Variants in RBFOX1 observed in about 807,000 individuals in gnomAD.
The protein encoded by RBFOX1 is RNA binding protein fox-1 homolog 1.
In RBFOX1, 8 loss-of-function variants were observed where a neutral mutation model predicts 57.7. That is an observed-to-expected ratio of 0.14 (90% CI 0.08 to 0.25). The LOEUF (loss-of-function observed/expected upper bound fraction) is 0.25. Ranked by LOEUF, RBFOX1 falls within the 10% of genes least tolerant of loss-of-function variation. The pLI is 1.00. For missense variants in RBFOX1, 611 were observed against 548.5 expected (o/e 1.11, Z -1.14); for synonymous variants, 326 against 222.4 (o/e 1.47, Z -4.15).
chr16:6,877,407 A>G (rs1038789291), intron 3 of RBFOX1, among the ~76,000 whole-genome samples: 3 of 152,152 alleles, frequency 2.0e-5, no homozygotes, highest in Non-Finnish European at 4.4e-5. Context: ...TCCAATATGG[A>G]CTGCATTATT....
At chr16:6,069,950 G>A (rs1409159244) in intron 1 of RBFOX1, among the ~76,000 whole-genome samples, 1 of 152,154 alleles carries the variant, frequency 6.6e-6, no homozygotes, top group African/African-American at 2.4e-5. Context: ...TCCAACCGCT[G>A]CACTCCAGCC....
chr16:5,765,338 T>A (rs958163297), intron 3 of RBFOX1, among the ~76,000 whole-genome samples: 1 of 152,146 alleles, frequency 6.6e-6, no homozygotes, highest in Non-Finnish European at 1.5e-5. Flanking sequence ...ACCAATTGTT[T>A]CCCAAGGGAA....
At chr16:5,830,389 T>G (rs2056222395) in intron 3 of RBFOX1, among the ~76,000 whole-genome samples, 1 of 152,128 alleles carries the variant, frequency 6.6e-6, no homozygotes, top group Admixed American at 6.6e-5. Context: ...GTTTTTTTTT[T>G]TTGTTCTTTC....
chr16:6,912,124 C>A (rs1355405023), intron 3 of RBFOX1, among the ~76,000 whole-genome samples: 1 of 152,116 alleles, frequency 6.6e-6, no homozygotes, highest in Non-Finnish European at 1.5e-5. Flanking sequence ...ACTAGTATTT[C>A]AGAACTTTAC....
At chr16:6,994,036 C>T (rs1374642036) in intron 3 of RBFOX1, among the ~76,000 whole-genome samples, 2 of 152,150 alleles carry the variant, frequency 1.3e-5, no homozygotes, top group African/African-American at 4.8e-5. Flanking sequence ...CCTCAATCCA[C>T]CTCCCCCTCT....
At chr16:7,153,391 C>A (rs1027453279) in intron 4 of RBFOX1, among the ~76,000 whole-genome samples, 17 of 152,130 alleles carry the variant, frequency 1.1e-4, no homozygotes, top group African/African-American at 4.1e-4. Context: ...CTTCCTGTCC[C>A]ACCTTCCAGG....
intron 4 of RBFOX1, among the ~76,000 whole-genome samples, chr16:7,211,782 C>T (rs1005553205): frequency 2.0e-5 from 3 of 152,164 alleles, no homozygotes; most frequent in Non-Finnish European, 4.4e-5. Flanking sequence ...AGCCCCCTGT[C>T]TCTAGGTTGC....
At chr16:6,894,722 A>G (rs959166776) in intron 3 of RBFOX1, among the ~76,000 whole-genome samples, 2 of 152,186 alleles carry the variant, frequency 1.3e-5, no homozygotes, top group African/African-American at 4.8e-5. Flanking sequence ...AATTTTGTAA[A>G]AAGGTTACCA....
chr16:6,261,373 A>T (rs1041389268), intron 1 of RBFOX1, among the ~76,000 whole-genome samples: 2 of 152,160 alleles, frequency 1.3e-5, no homozygotes, highest in African/African-American at 2.4e-5. Flanking sequence ...CCTAGTACCA[A>T]AATAGTACGT....
chr16:7,085,228 T>C (rs56033876), intron 4 of RBFOX1, among the ~76,000 whole-genome samples: 25,287 of 151,996 alleles, frequency 0.17, 4,774 homozygotes, highest in African/African-American at 0.47. Context: ...AACATCTGAT[T>C]CCATGGATTG....
chr16:6,373,247 G>T lies in RBFOX1; in HGVS notation c.-64+56190G>T, dbSNP rs532781255. On this transcript the variant is annotated intron_variant, in intron 2 of 15. Coordinates refer to ENST00000550418, the MANE Select transcript of RBFOX1 (RefSeq NM_018723.4). ...AGTTCGTTGGGATCACTGGGTAGGA[G>T]GATAGTGTAGAATGAAGATTGGGTG... Among the ~76,000 whole-genome samples, 1,294 of 150,440 alleles carry T rather than the reference G, an allele frequency of 8.6e-3. 23 individuals carry two copies. Among genetic ancestry groups the T allele is most frequent in the African/African-American group, 0.028 (1,160 of 40,746 alleles).
chr16:7,267,289 CTT>C (rs2095181327), intron 4 of RBFOX1, among the ~76,000 whole-genome samples: 1 of 151,916 alleles, frequency 6.6e-6, no homozygotes, highest in Non-Finnish European at 1.5e-5. Flanking sequence ...AATGCGAGCA[CTT>C]TCGGAGGCCA....
chr16:5,472,556 G>A (rs2069175181), intron 2 of RBFOX1, among the ~76,000 whole-genome samples: 1 of 152,062 alleles, frequency 6.6e-6, no homozygotes. Flanking sequence ...GGGTCCGTGT[G>A]CATGCTGGAA....
In RBFOX1 at chr16:6,407,671, G is replaced by A. The variant is rs74590680; in HGVS notation, c.-64+90614G>A. Among the ~76,000 whole-genome samples the A allele has an allele frequency of 4.7e-3, 712 of 152,110 alleles. 5 individuals are homozygous for A. Among genetic ancestry groups the A allele is most frequent in the African/African-American group, 0.016 (668 of 41,472 alleles). On this transcript the variant is annotated intron_variant, in intron 2 of 15. Coordinates refer to ENST00000550418, the MANE Select transcript of RBFOX1 (RefSeq NM_018723.4). ...GTTTTGACTTATAGTTCCCAGGAGA[G>A]ACTTTCATTAAACAAAAATATCTTG...
intron 3 of RBFOX1, among the ~76,000 whole-genome samples, chr16:6,766,974 G>T (rs867405376): frequency 9.2e-5 from 14 of 152,230 alleles, no homozygotes; most frequent in Middle Eastern, 6.8e-3. Flanking sequence ...GAGGCTGAAG[G>T]CTGAAGGAAC....
intron 14 of RBFOX1, chr16:7,693,265 C>A (rs1416684908): frequency 2.0e-6 from 3 of 1,532,644 alleles, no homozygotes; most frequent in Non-Finnish European, 2.7e-6. Context: ...TGGCAGAGAG[C>A]ACATTTCCCC....
intron 3 of RBFOX1, among the ~76,000 whole-genome samples, chr16:6,874,637 C>G (rs2061515371): frequency 6.6e-6 from 1 of 151,972 alleles, no homozygotes; most frequent in African/African-American, 2.4e-5. Flanking sequence ...TGGCTTATCT[C>G]CCACTTACAA....
chr16:7,401,852 A>G (rs757699743), intron 4 of RBFOX1, among the ~76,000 whole-genome samples: 1 of 152,182 alleles, frequency 6.6e-6, no homozygotes, highest in Admixed American at 6.5e-5. Flanking sequence ...CAAATTGCAT[A>G]AAGGAAACTT....
intron 1 of RBFOX1, among the ~76,000 whole-genome samples, chr16:5,434,402 A>T (rs1039676149): frequency 8.7e-5 from 12 of 138,510 alleles, no homozygotes; most frequent in East Asian, 2.1e-4. Flanking sequence ...ACTCACTGCA[A>T]CCTCCACCTC....
Sources: allele counts gnomAD v4.1 joint callset (sites outside exome capture counted in the v4.1 genomes callset), GRCh38; gene constraint gnomAD v4.1.1; transcripts MANE v1.5; gene names NCBI Gene and HGNC (gene_info 2026-07-23, HGNC 2026-07-21).